Variants in KHDC4 observed in about 807,000 individuals in gnomAD.
KHDC4 encodes the protein KH domain containing 4, pre-mRNA splicing factor.
A neutral mutation model predicts 74.5 loss-of-function variants in KHDC4; 19 were observed. That is an observed-to-expected ratio of 0.26 (90% confidence interval 0.18 to 0.37). The LOEUF is 0.37. Among genes scored for constraint, KHDC4 ranks in the 10% least tolerant of loss-of-function variants. The probability of loss-of-function intolerance (pLI) is 1.00; values close to 1 mark genes in which losing one functional copy is unlikely to be tolerated. For missense variants in KHDC4, 632 were observed against 754.1 expected (o/e 0.84, Z 1.90); for synonymous variants, 253 against 266.1 (o/e 0.95, Z 0.48).
chr1:155,926,319 T>C (rs376928257), intron 6 of KHDC4, among the ~76,000 whole-genome samples: 59 of 144,440 alleles, frequency 4.1e-4, no homozygotes, highest in African/African-American at 1.4e-3. Context: ...TATGTATTAC[T>C]TGGCACTTTT....
intron 2 of KHDC4, chr1:155,932,863 G>A (rs934268581): frequency 2.6e-5 from 4 of 152,074 alleles, no homozygotes; most frequent in Non-Finnish European, 4.4e-5. Flanking sequence ...CTTGAACCCA[G>A]GAGACAGAGG....
In KHDC4 at chr1:155,914,331, G is replaced by T; in HGVS notation, c.1646-11C>A. On this transcript the variant is annotated splice_polypyrimidine_tract_variant and intron_variant, in intron 13 of 13. Coordinates refer to ENST00000368321, the MANE Select transcript of KHDC4 (RefSeq NM_014949.4). ...TCTTGGCTGGATAATCTAGAATAGA[G>T]AAAAAACAACCCCAACCCCATCCCC... 4 of 1,552,626 alleles carry T rather than the reference G, an allele frequency of 2.6e-6. No homozygotes were observed. Among genetic ancestry groups the T allele is most frequent in the East Asian group, 2.4e-5 (1 of 41,726 alleles).
intron 2 of KHDC4, among the ~76,000 whole-genome samples, chr1:155,931,859 TATTC>T (rs1557972078): frequency 6.6e-6 from 1 of 152,222 alleles, no homozygotes; most frequent in Non-Finnish European, 1.5e-5. Flanking sequence ...CCCCTTATAG[TATTC>T]ATTTACATTA....
chr1:155,933,827 G>C lies in KHDC4; in HGVS notation c.61C>G (p.Pro21Ala). 6.4e-7 allele frequency: 1 copy of C among 1,572,560 alleles called. No individual in the cohort carries two copies. Among genetic ancestry groups the C allele is most frequent in the Non-Finnish European group, 8.6e-7 (1 of 1,157,134 alleles). ...AGGAAGAGAAGTGGGGCTGGAGCTG[G>C]TTGGTCCCATTTGCTGCGGCGCCTA... ...AGGRRSKWDQPAPAPLLFLPP... is the reference protein window; with the variant it reads ...AGGRRSKWDQAAPAPLLFLPP... The change falls in exon 2 of 14, where the codon CCA (proline) becomes GCA (alanine). Residue 21 changes from proline to alanine, a missense_variant. Physicochemically the swap from Pro to Ala is conservative, Grantham distance 27. Coordinates refer to ENST00000368321, the MANE Select transcript of KHDC4 (RefSeq NM_014949.4).
At chr1:155,929,575 GTTAAA>G in intron 3 of KHDC4, 132 bp downstream of exon 3, 1 of 1,120,782 alleles carries the variant, frequency 8.9e-7, no homozygotes, top group Non-Finnish European at 1.3e-6. Flanking sequence ...TTCCTCTGAA[GTTAAA>G]TTAAACCCAA....
chr1:155,926,608 T>A, intron 6 of KHDC4, 68 bp downstream of exon 6: 1 of 1,547,570 alleles, frequency 6.5e-7, no homozygotes, highest in Non-Finnish European at 8.9e-7. Flanking sequence ...TGAGCCACTG[T>A]GCCTGGCCAG....
intron 6 of KHDC4, chr1:155,926,330 T>C: frequency 3.1e-6 from 1 of 319,424 alleles, no homozygotes; most frequent in Non-Finnish European, 5.9e-6. Context: ...TGGCACTTTT[T>C]TTTTTTTTTT....
chr1:155,927,298 G>T, intron 4 of KHDC4, 142 bp from the exon 5 acceptor site: 1 of 621,224 alleles, frequency 1.6e-6, no homozygotes, highest in Non-Finnish European at 2.9e-6. Context: ...GTTTTTGCTA[G>T]CTAATGTCTC....
chr1:155,913,411 CAAG>C lies in KHDC4; in HGVS notation c.*707_*709del, dbSNP rs1265875445. The C allele has an allele frequency of 2.0e-5, 3 of 152,292 alleles. No individual in the cohort carries two copies. The highest frequency in any genetic ancestry group is 7.2e-5 in the African/African-American group (3 of 41,408). The allele number at this position is 152,292 out of a possible 1,614,324, so 9.4% of individuals were successfully genotyped here. A position where few individuals can be genotyped will look rare whatever the true frequency, so the allele number is the denominator to read the frequency against. ...GTGATGAGTTCTGACCAGTTTTAGTCAAGAAGTTTTCTCTGACCCAGCTGAAGA... is the reference window on the plus strand; with the variant it reads ...GTGATGAGTTCTGACCAGTTTTAGTCAAGTTTTCTCTGACCCAGCTGAAGA... On this transcript the variant is annotated 3_prime_UTR_variant, in exon 14 of 14. Transcript: ENST00000368321.
intron 7 of KHDC4, among the ~76,000 whole-genome samples, chr1:155,924,131 C>T (rs888781849): frequency 2.6e-5 from 4 of 152,034 alleles, no homozygotes; most frequent in Admixed American, 2.6e-4. Context: ...TCCTGGCTAA[C>T]ACGGTGAAAC....
chr1:155,921,443 T>C lies in KHDC4; in HGVS notation c.1198A>G (p.Thr400Ala). 1.2e-6 allele frequency: 2 copies of C among 1,614,076 alleles called. No individual in the cohort carries two copies. The highest frequency in any genetic ancestry group is 1.3e-5 in the African/African-American group (1 of 75,010). ...TGTGTTGGCACAGGTGGGACTCCAG[T>C]AGGTAATGCCGGCAAGACTCCAGGT... ...LAPGVLPALP[T>A]GVPPVPTQYP... The change falls in exon 10 of 14, where the codon ACT (threonine) becomes GCT (alanine). Residue 400 changes from threonine to alanine, a missense_variant. Transcript: ENST00000368321.
intron 11 of KHDC4, 196 bp from the exon 12 acceptor site, chr1:155,916,933 G>T: frequency 2.1e-6 from 1 of 467,008 alleles, no homozygotes. Flanking sequence ...GACTTGGACA[G>T]GGGTGTTATA....
intron 10 of KHDC4, among the ~76,000 whole-genome samples, chr1:155,919,061 G>C (rs745849360): frequency 6.9e-6 from 1 of 144,674 alleles, no homozygotes; most frequent in East Asian, 2.0e-4. Flanking sequence ...TCTGACTCCT[G>C]GGTTCAAGCA....
chr1:155,921,573 T>A lies in KHDC4; in HGVS notation c.1068A>T (p.Pro356=). 4 of 1,614,008 alleles carry A rather than the reference T, an allele frequency of 2.5e-6. No homozygotes were observed. The highest frequency in any genetic ancestry group is 3.4e-6 in the Non-Finnish European group (4 of 1,179,978). ...GGTAACCAGACTGATAGCCATTGGA[T>A]GGATAATATGGTGGTTGAGGAGGGA... ...SSVPPQPPYY[P]SNGYQSGYPV... is the part of the protein sequence containing the mutation. Residue 356 remains proline, a synonymous_variant, in exon 10 of 14, where the codon CCA becomes CCT. Coordinates refer to ENST00000368321, the MANE Select transcript of KHDC4 (RefSeq NM_014949.4).
chr1:155,926,822 T>C lies in KHDC4; in HGVS notation c.535A>G (p.Lys179Glu). 6.2e-7 allele frequency: 1 copy of C among 1,614,212 alleles called. No homozygotes were observed. Among genetic ancestry groups the C allele is most frequent in the Non-Finnish European group, 8.5e-7 (1 of 1,180,036 alleles). The change falls in exon 6 of 14, where the codon AAA becomes GAA. Residue 179 changes from lysine (K) to glutamate (E), a missense_variant. Lys to Glu is a moderately conservative substitution (Grantham distance 56, BLOSUM62 1). This residue lies in a region of KHDC4 where 233 missense variants were observed against 342.6 expected (regional missense o/e 0.68). Transcript: ENST00000368321. ...ACCACTCCATTGGTGATAATTTCTTTGATCCGGTTTACAGCTCCTTAGAAA... is the reference window on the plus strand; with the variant it reads ...ACCACTCCATTGGTGATAATTTCTTCGATCCGGTTTACAGCTCCTTAGAAA... Reference protein sequence around the residue: ...ELVDRAVNRIKEIITNGVVKA... With the variant: ...ELVDRAVNRIEEIITNGVVKA...
At chr1:155,919,286 A>G (rs1390841393) in intron 10 of KHDC4, among the ~76,000 whole-genome samples, 1 of 152,116 alleles carries the variant, frequency 6.6e-6, no homozygotes, top group Non-Finnish European at 1.5e-5. Context: ...CCTGCTTTTA[A>G]CCACTCTGCT....
chr1:155,916,716 T>C lies in KHDC4; in HGVS notation c.1462A>G (p.Asn488Asp). The change falls in exon 12 of 14, where the codon AAT (asparagine) becomes GAT (aspartate). Residue 488 changes from asparagine to aspartate, a missense_variant. Transcript: ENST00000368321. ...GYQHGPIHMT[N>D]LGTGFSSQNE... Reference sequence around the variant, plus strand: ...TGACTGGAGAAGCCTGTACCTAAATTAGTCATATGAATGGGTCCATGCTAT... The same window carrying C: ...TGACTGGAGAAGCCTGTACCTAAATCAGTCATATGAATGGGTCCATGCTAT... The C allele has an allele frequency of 4.3e-6, 7 of 1,613,638 alleles. No individual in the cohort carries two copies. Among genetic ancestry groups the C allele is most frequent in the Non-Finnish European group, 5.9e-6 (7 of 1,179,786 alleles).
chr1:155,923,603 G>A (rs1298903017), intron 8 of KHDC4, 24 bp downstream of exon 8: 2 of 1,573,126 alleles, frequency 1.3e-6, no homozygotes, highest in East Asian at 2.2e-5. Context: ...TCTTCTGAAT[G>A]AGTATCAGAC....
intron 6 of KHDC4, 85 bp from the exon 7 acceptor site, chr1:155,925,928 G>T: frequency 8.7e-7 from 1 of 1,153,466 alleles, no homozygotes; most frequent in Non-Finnish European, 1.3e-6. Context: ...AGAAATTATA[G>T]CAAAGACAGT....
Sources: allele counts gnomAD v4.1 joint callset (sites outside exome capture counted in the v4.1 genomes callset), GRCh38; gene constraint gnomAD v4.1.1; regional missense constraint gnomAD v4.1.1; transcripts MANE v1.5; gene names NCBI Gene and HGNC (gene_info 2026-07-23, HGNC 2026-07-21).